The following THOC2 variants were observed in gnomAD, a reference collection of about 807,000 sequenced individuals.
THOC2 encodes the protein THO complex 2.
Under a neutral mutation model 128.4 loss-of-function variants are expected in THOC2, and 10 were observed. That is an observed-to-expected ratio of 0.08 (90% confidence interval 0.05 to 0.13). THOC2 has a LOEUF of 0.13. Ranked by LOEUF, THOC2 falls within the 10% of genes least tolerant of loss-of-function variation. THOC2 has a pLI of 1.00. For synonymous variants in THOC2, 393 were observed against 396.9 expected, an observed-to-expected ratio of 0.99 and a Z score of 0.12; for missense variants, 535 against 1,155.7, an observed-to-expected ratio of 0.46 and a Z score of 7.79.
chrX:123,608,422 AAAG>A (rs1444143802), intron 38 of THOC2, among the ~76,000 whole-genome samples: 27 of 104,978 alleles, frequency 2.6e-4, no homozygotes, highest in African/African-American at 9.5e-4. Flanking sequence ...ACAAAAAAAA[AAAG>A]AAACTATCAG....
At chrX:123,698,182 G>C (rs954705488) in intron 4 of THOC2, among the ~76,000 whole-genome samples, 1 of 112,116 alleles carries the variant, frequency 8.9e-6, no homozygotes, top group Non-Finnish European at 1.9e-5. Context: ...TACTCAGGCT[G>C]GGCGCAGTGG....
At chrX:123,628,584 G>A (rs752898536) in intron 22 of THOC2, among the ~76,000 whole-genome samples, 40 of 110,494 alleles carry the variant, frequency 3.6e-4, no homozygotes, top group African/African-American at 1.3e-3. Context: ...GGTGGCGCAG[G>A]CCTGTAATCC....
Position 123,657,644 on chromosome X carries a change from T to TAA in THOC2, c.1386+7996_1386+7997dup, listed in dbSNP as rs57459853. ...GAGTGAAAGATTTAAAGTGTTAAGATAAAAAAAAAAACTAGAATTCTGGAC... is the reference window on the plus strand; with the variant it reads ...GAGTGAAAGATTTAAAGTGTTAAGATAAAAAAAAAAAAACTAGAATTCTGGAC... On this transcript the variant is annotated intron_variant, in intron 12 of 38. Coordinates refer to ENST00000245838, the MANE Select transcript of THOC2 (RefSeq NM_001081550.2). Among the ~76,000 whole-genome samples, 61 of 102,305 alleles carry TAA rather than the reference T, an allele frequency of 6.0e-4. 1 individual carries two copies. The highest frequency in any genetic ancestry group is 3.4e-3 in the Admixed American group (32 of 9,380). The allele number at this position is 102,305 out of a possible 115,157, so 88.8% of individuals were successfully genotyped here.
At chrX:123,699,264 A>C (rs1288352315) in intron 4 of THOC2, among the ~76,000 whole-genome samples, 4 of 112,291 alleles carry the variant, frequency 3.6e-5, no homozygotes, top group Non-Finnish European at 7.5e-5. Context: ...AAGAATCAAA[A>C]GAGAAAGGGA....
At chrX:123,728,479 A>C (rs1442591495) in intron 1 of THOC2, among the ~76,000 whole-genome samples, 1 of 111,939 alleles carries the variant, frequency 8.9e-6, no homozygotes, top group Non-Finnish European at 1.9e-5. Context: ...TCGAAATGGG[A>C]AATTAAATGC....
intron 18 of THOC2, among the ~76,000 whole-genome samples, chrX:123,636,769 T>C (rs924565360): frequency 1.8e-5 from 2 of 110,609 alleles, no homozygotes; most frequent in Admixed American, 1.9e-4. Flanking sequence ...AATACAAGAG[T>C]AGGAGATTCA....
chrX:123,661,142 C>T (rs1358587608), intron 12 of THOC2, among the ~76,000 whole-genome samples: 3 of 112,424 alleles, frequency 2.7e-5, no homozygotes, highest in East Asian at 2.8e-4. Flanking sequence ...CAGTGGCTCA[C>T]GCCTGTAATT....
At chrX:123,653,150 C>T (rs1408690530) in intron 12 of THOC2, among the ~76,000 whole-genome samples, 1 of 111,693 alleles carries the variant, frequency 9.0e-6, no homozygotes, top group Non-Finnish European at 1.9e-5. Flanking sequence ...TTTGACAAAC[C>T]TGACAAAAAC....
At chrX:123,603,543 G>GA in intron 38 of THOC2, 1 of 889,001 alleles carries the variant, frequency 1.1e-6, no homozygotes, top group Non-Finnish European at 1.6e-6. Context: ...GCCTGGAGGT[G>GA]AAAATAATGT....
intron 2 of THOC2, among the ~76,000 whole-genome samples, chrX:123,707,808 C>T (rs1446101061): frequency 9.0e-6 from 1 of 110,607 alleles, no homozygotes. Context: ...CAGAACCAAA[C>T]AGCAAGTTAA....
In THOC2 at chrX:123,629,076, G is replaced by A. The variant is rs1202053595; in HGVS notation, c.2482-1108C>T. On this transcript the variant is annotated intron_variant, in intron 22 of 38. Transcript: ENST00000245838. ...AGGAAAAAAAATTGTTAGTACAATGGGAGGGGCTGCAGAGATGTGTATGCC... is the reference window on the plus strand; with the variant it reads ...AGGAAAAAAAATTGTTAGTACAATGAGAGGGGCTGCAGAGATGTGTATGCC... 3.7e-5 allele frequency among the ~76,000 whole-genome samples: 4 copies of A among 108,999 alleles called. No homozygotes were observed. The Admixed American group carries it at 4.0e-4, about 11-fold the overall frequency. 94.7% of individuals were successfully genotyped at this position (108,999 alleles called of 115,157 possible).
intron 16 of THOC2, 104 bp from the exon 17 acceptor site, chrX:123,639,131 C>T (rs1453776226): frequency 1.4e-5 from 5 of 353,460 alleles, no homozygotes; most frequent in African/African-American, 5.3e-5. Flanking sequence ...AGAAATAATG[C>T]TTATAATTAA....
Position 123,645,392 on chromosome X carries a change from G to A in THOC2, c.1387-17C>T. ...AGACTGAAACTACAATTTAAAAAAA[G>A]AAATTAATAAAATACAAAAAGGTTA... On this transcript the variant is annotated splice_polypyrimidine_tract_variant and intron_variant, in intron 12 of 38. Coordinates refer to ENST00000245838, the MANE Select transcript of THOC2 (RefSeq NM_001081550.2). 1.0e-6 allele frequency: 1 copy of A among 1,002,212 alleles called. No individual in the cohort carries two copies. The highest frequency in any genetic ancestry group is 1.4e-6 in the Non-Finnish European group (1 of 733,918). 82.6% of individuals were successfully genotyped at this position (1,002,212 alleles called of 1,213,427 possible).
chrX:123,654,610 T>C (rs2048492581), intron 12 of THOC2, among the ~76,000 whole-genome samples: 1 of 105,394 alleles, frequency 9.5e-6, no homozygotes, highest in African/African-American at 3.5e-5. Context: ...ATGCAAAGAT[T>C]AGCTGGGCAT....
chrX:123,637,621 G>A (rs938675960), intron 18 of THOC2, among the ~76,000 whole-genome samples: 1 of 110,717 alleles, frequency 9.0e-6, no homozygotes, highest in Non-Finnish European at 1.9e-5. Flanking sequence ...TTAGCTGGGC[G>A]TGGTGGCGCG....
At chrX:123,715,655 C>T (rs2051376305) in intron 1 of THOC2, among the ~76,000 whole-genome samples, 2 of 107,697 alleles carry the variant, frequency 1.9e-5, no homozygotes, top group South Asian at 8.4e-4. Flanking sequence ...CATGGTGGCC[C>T]ACGCCTGTAG....
chrX:123,687,358 C>T (rs987474363), intron 7 of THOC2, among the ~76,000 whole-genome samples: 4 of 111,692 alleles, frequency 3.6e-5, no homozygotes, highest in Non-Finnish European at 7.5e-5. Flanking sequence ...TGGTTTACGT[C>T]AGTTCCCACA....
rs12559418 is a variant in THOC2, at chrX:123,665,711, A to G, written c.1317T>C (p.Gly439=). Residue 439 remains glycine (G), a synonymous_variant, in exon 12 of 39, where the codon GGT becomes GGC. Transcript: ENST00000245838. Reference sequence around the variant, plus strand: ...AAATGGGATCGTGAGAAAGGTGAGGACCAAGGTAACAGAACATATTGAACA... The same window carrying G: ...AAATGGGATCGTGAGAAAGGTGAGGGCCAAGGTAACAGAACATATTGAACA... ...RDVFNMFCYL[G]PHLSHDPILF... 1.7e-6 allele frequency: 2 copies of G among 1,204,713 alleles called. No individual in the cohort carries two copies. The highest frequency in any genetic ancestry group is 4.4e-5 in the Admixed American group (2 of 45,726).
Position 123,614,100 on chromosome X carries a change from G to C in THOC2, c.4401C>G (p.Ser1467=), listed in dbSNP as rs1329513664. ...TTTCATCTTTTTTCTCTCTTTCTCT[G>C]GATCTTTCCCTTGACTTGTCCAAAT... ...KKDLDKSRER[S]REREKKDEKD... The change falls in exon 34 of 39, where the codon TCC becomes TCG. Residue 1467 remains serine, a synonymous_variant. Transcript: ENST00000245838. 1 of 1,205,953 alleles carries C rather than the reference G, an allele frequency of 8.3e-7. No individual in the cohort carries two copies.
Sources: gnomAD v4.1 joint callset for allele counts (sites outside exome capture counted in the v4.1 genomes callset) on GRCh38, gnomAD v4.1.1 for gene constraint, MANE v1.5 for transcripts, NCBI Gene and HGNC (gene_info 2026-07-23, HGNC 2026-07-21) for gene names.